The following MTREX variants were observed in gnomAD, a reference collection of about 807,000 sequenced individuals.
MTREX encodes the protein Mtr4 exosome RNA helicase, also known as exosome RNA helicase MTR4.
MTREX carries 76 observed loss-of-function variants against 135.4 expected under a neutral mutation model. The observed-to-expected ratio is 0.56, with a 90% CI of 0.47 to 0.68. The LOEUF (loss-of-function observed/expected upper bound fraction) is 0.68. Ranked by LOEUF, MTREX falls within the 30% of genes least tolerant of loss-of-function variation. MTREX has a pLI of 0.00. For missense variants in MTREX, 920 were observed against 1,262.1 expected (o/e 0.73, Z 4.11); for synonymous variants, 404 against 401.6 (o/e 1.01, Z -0.07).
At chr5:55,421,323 C>T (rs1751051052) in intron 25 of MTREX, among the ~76,000 whole-genome samples, 1 of 152,184 alleles carries the variant, frequency 6.6e-6, no homozygotes, top group Admixed American at 6.5e-5. Context: ...TTTCAGGCAG[C>T]TCTGGACAGT....
intron 3 of MTREX, 28 bp downstream of exon 3, chr5:55,324,226 A>G (rs762910087): frequency 9.1e-6 from 14 of 1,545,912 alleles, no homozygotes; most frequent in Non-Finnish European, 1.2e-5. Flanking sequence ...ACAGAAGGTT[A>G]GTGTTACAAA....
At position 55,353,236 on chromosome 5, in the gene MTREX, T is replaced by C; in HGVS notation, c.1500T>C (p.Asn500=). Reference sequence around the variant, plus strand: ...CAGCTAGAACTGTTTTATTTACAAATGCCCGCAAATTTGATGGGAAGGATT... The same window carrying C: ...CAGCTAGAACTGTTTTATTTACAAACGCCCGCAAATTTGATGGGAAGGATT... ...NMPARTVLFT[N]ARKFDGKDFR... is the part of the protein sequence containing the mutation. The change falls in exon 14 of 27, where the codon AAT becomes AAC. Residue 500 remains asparagine (N), a synonymous_variant. Transcript: ENST00000230640. 2 of 1,609,998 alleles carry C rather than the reference T, an allele frequency of 1.2e-6. No individual in the cohort carries two copies. Among genetic ancestry groups the C allele is most frequent in the Middle Eastern group, 1.7e-4 (1 of 6,052 alleles).
At chr5:55,376,659 G>A (rs1750305722) in intron 16 of MTREX, among the ~76,000 whole-genome samples, 1 of 152,220 alleles carries the variant, frequency 6.6e-6, no homozygotes, top group Non-Finnish European at 1.5e-5. Flanking sequence ...AGAATACAAT[G>A]TGGAGGACAT....
chr5:55,347,063 C>A lies in MTREX; in HGVS notation c.1159C>A (p.Gln387Lys). ...GAAGATGATTATGGAAAGAAATTTC[C>A]AACCTGTGATTATTTTCAGTTTTAG... The part of the protein sequence containing the change: ...IVKMIMERNF[Q>K]PVIIFSFSKK... Residue 387 changes from glutamine to lysine, a missense_variant, in exon 11 of 27, where the codon CAA becomes AAA. This residue lies in a region of MTREX where 101 missense variants were observed against 119.1 expected (regional missense o/e 0.85). Transcript: ENST00000230640. 1 of 1,609,826 alleles carries A rather than the reference C, an allele frequency of 6.2e-7. No homozygotes were observed. The highest frequency in any genetic ancestry group is 8.5e-7 in the Non-Finnish European group (1 of 1,178,546).
intron 5 of MTREX, among the ~76,000 whole-genome samples, chr5:55,334,555 A>C (rs1429052915): frequency 6.6e-6 from 1 of 152,100 alleles, no homozygotes; most frequent in Non-Finnish European, 1.5e-5. Context: ...ACTTTTTCTG[A>C]CACTGCTGAT....
At chr5:55,350,728 G>C (rs1045140983) in intron 12 of MTREX, among the ~76,000 whole-genome samples, 191 bp from the exon 13 acceptor site, 2 of 152,124 alleles carry the variant, frequency 1.3e-5, no homozygotes, top group Non-Finnish European at 2.9e-5. Flanking sequence ...TTTCCTATGA[G>C]CTTGGCCAGA....
intron 19 of MTREX, among the ~76,000 whole-genome samples, chr5:55,396,065 G>A (rs1408771542): frequency 6.6e-6 from 1 of 152,212 alleles, no homozygotes; most frequent in Non-Finnish European, 1.5e-5. Context: ...AGAGAACGAT[G>A]AAGCAAATAG....
intron 8 of MTREX, among the ~76,000 whole-genome samples, chr5:55,343,921 GTATAT>G (rs1179688537): frequency 6.6e-6 from 1 of 152,138 alleles, no homozygotes; most frequent in African/African-American, 2.4e-5. Flanking sequence ...TTTAGCGTCT[GTATAT>G]GCTTGTAATA....
chr5:55,384,694 T>C (rs1750450498), intron 18 of MTREX, among the ~76,000 whole-genome samples: 2 of 152,184 alleles, frequency 1.3e-5, no homozygotes, highest in Admixed American at 6.5e-5. Flanking sequence ...GGCTGGATTA[T>C]TTGATTGTAA....
In MTREX at chr5:55,308,106, G is replaced by A; in HGVS notation, c.93G>A (p.Lys31=). 6.2e-7 allele frequency: 1 copy of A among 1,613,772 alleles called. No individual in the cohort carries two copies. Among genetic ancestry groups the A allele is most frequent in the Non-Finnish European group, 8.5e-7 (1 of 1,179,874 alleles). ...AGTKKDKEKD[K]GKWKGPPGSA... ...CCAAAAAAGACAAGGAAAAGGACAA[G>A]GGGAAATGGAAGGGGCCTCCAGGGT... The change falls in exon 1 of 27, where the codon AAG becomes AAA. Residue 31 remains lysine (K), a synonymous_variant. Coordinates refer to ENST00000230640, the MANE Select transcript of MTREX (RefSeq NM_015360.5).
intron 1 of MTREX, among the ~76,000 whole-genome samples, chr5:55,310,885 C>T (rs968411570): frequency 6.6e-6 from 1 of 152,110 alleles, no homozygotes; most frequent in African/African-American, 2.4e-5. Context: ...TCAAGCATTC[C>T]TCCCACCTCA....
chr5:55,419,190 C>T (rs1403346355), intron 25 of MTREX, among the ~76,000 whole-genome samples: 2 of 152,190 alleles, frequency 1.3e-5, no homozygotes. Flanking sequence ...AAAGCTGTAG[C>T]ACACAGTACA....
chr5:55,411,390 A>G (rs1341354935), intron 23 of MTREX, among the ~76,000 whole-genome samples: 2 of 152,164 alleles, frequency 1.3e-5, no homozygotes, highest in Non-Finnish European at 2.9e-5. Flanking sequence ...ACCTTTTACT[A>G]TACATACTTA....
At chr5:55,419,860 C>G (rs112672974) in intron 25 of MTREX, among the ~76,000 whole-genome samples, 11 of 152,072 alleles carry the variant, frequency 7.2e-5, no homozygotes, top group Admixed American at 5.9e-4. Context: ...TTCCTCAACT[C>G]TCCCCACCAC....
At chr5:55,415,768 C>T (rs1750956872) in intron 24 of MTREX, among the ~76,000 whole-genome samples, 1 of 152,064 alleles carries the variant, frequency 6.6e-6, no homozygotes, top group Non-Finnish European at 1.5e-5. Context: ...AGTTAACTAC[C>T]TCAACATAAT....
In MTREX at chr5:55,355,589, G is replaced by A. The variant is rs559425071; in HGVS notation, c.1533+2320G>A. Among the ~76,000 whole-genome samples, 188 of 152,324 alleles carry A rather than the reference G, an allele frequency of 1.2e-3. 1 individual carries two copies. The highest frequency in any genetic ancestry group is 2.1e-3 in the Non-Finnish European group (144 of 68,028). On this transcript the variant is annotated intron_variant, in intron 14 of 26. Coordinates refer to ENST00000230640, the MANE Select transcript of MTREX (RefSeq NM_015360.5). Reference sequence around the variant, plus strand: ...ATAGGCTGGACCCTGGGGCAACCCTGCCACCAGCATGGCCACACCATCTAG... The same window carrying A: ...ATAGGCTGGACCCTGGGGCAACCCTACCACCAGCATGGCCACACCATCTAG...
At chr5:55,373,771 G>A (rs1006380667) in intron 16 of MTREX, among the ~76,000 whole-genome samples, 1 of 151,980 alleles carries the variant, frequency 6.6e-6, no homozygotes, top group Non-Finnish European at 1.5e-5. Context: ...TGTGACTAGT[G>A]GGGGTAGGGG....
At chr5:55,361,738 G>A (rs1207968990) in intron 15 of MTREX, among the ~76,000 whole-genome samples, 16 of 149,330 alleles carry the variant, frequency 1.1e-4, no homozygotes, top group Middle Eastern at 3.6e-3. Context: ...GATTACAGGC[G>A]TGAGCCACTG....
chr5:55,319,769 A>C (rs936636246), intron 1 of MTREX, among the ~76,000 whole-genome samples: 3 of 152,186 alleles, frequency 2.0e-5, no homozygotes, highest in Non-Finnish European at 4.4e-5. Context: ...TTAGAGTCCT[A>C]AAAGTCTGAC....
Sources: allele counts gnomAD v4.1 joint callset (sites outside exome capture counted in the v4.1 genomes callset), GRCh38; gene constraint gnomAD v4.1.1; regional missense constraint gnomAD v4.1.1; transcripts MANE v1.5; gene names NCBI Gene and HGNC (gene_info 2026-07-23, HGNC 2026-07-21).